The following EPM2A variants were observed in gnomAD, a reference collection of about 807,000 sequenced individuals.
The protein encoded by EPM2A is EPM2A glucan phosphatase, laforin, also known as laforin.
Under a neutral mutation model 26.5 loss-of-function variants are expected in EPM2A, and 21 were observed. The ratio of observed to expected loss-of-function variants is 0.79; its 90% CI spans 0.56 to 1.14. The LOEUF (loss-of-function observed/expected upper bound fraction) is 1.14. Among genes scored for constraint, EPM2A ranks in the 50% most tolerant of loss-of-function variants. The pLI, the probability that EPM2A is intolerant of heterozygous loss-of-function variation, is 0.00. For missense variants in EPM2A, 458 were observed against 440.8 expected (o/e 1.04, Z -0.35); for synonymous variants, 217 against 177.6 (o/e 1.22, Z -1.76).
At chr6:145,571,857 T>C (rs557626452) in intron 2 of EPM2A, among the ~76,000 whole-genome samples, 1 of 152,236 alleles carries the variant, frequency 6.6e-6, no homozygotes, top group Non-Finnish European at 1.5e-5. Flanking sequence ...TGGGTCATCC[T>C]ATCCACTTGA....
chr6:145,668,056 C>G lies in EPM2A; in HGVS notation c.476+18066G>C, dbSNP rs373698849. 2.6e-3 allele frequency among the ~76,000 whole-genome samples: 389 copies of G among 147,546 alleles called. 5 individuals carry two copies. The highest frequency in any genetic ancestry group is 9.2e-3 in the African/African-American group (370 of 40,084). On this transcript the variant is annotated intron_variant, in intron 2 of 3. Coordinates refer to ENST00000367519, the MANE Select transcript of EPM2A (RefSeq NM_005670.4). ...GGAGGGATAGCATTGGGAGATATAC[C>G]TAAGGCTAGATGACGAGTTAGTGGG...
intron 2 of EPM2A, among the ~76,000 whole-genome samples, chr6:145,594,224 T>A (rs1456060148): frequency 6.6e-6 from 1 of 151,852 alleles, no homozygotes; most frequent in African/African-American, 2.4e-5. Context: ...GAGAAATGGA[T>A]ATTCTGAATA....
chr6:145,496,824 G>A (rs973311565), downstream of EPM2A, among the ~76,000 whole-genome samples: 10 of 146,266 alleles, frequency 6.8e-5, no homozygotes, highest in African/African-American at 1.8e-4. Flanking sequence ...TGCAAGCTCC[G>A]CTTCCTGGGT....
chr6:145,493,819 A>T (rs1357353225), intron 4 of EPM2A, among the ~76,000 whole-genome samples: 1 of 152,230 alleles, frequency 6.6e-6, no homozygotes, highest in Non-Finnish European at 1.5e-5. Flanking sequence ...CCAACCTTGC[A>T]TCCCAAGGAT....
intron 1 of EPM2A, among the ~76,000 whole-genome samples, chr6:145,732,247 G>C (rs1286408038): frequency 1.3e-5 from 2 of 149,778 alleles, no homozygotes; most frequent in Non-Finnish European, 3.0e-5. Flanking sequence ...GCGCGCCAAA[G>C]TAAGGAAGGG....
intron 2 of EPM2A, among the ~76,000 whole-genome samples, chr6:145,583,644 C>T (rs755399688): frequency 2.0e-5 from 3 of 152,206 alleles, no homozygotes; most frequent in Non-Finnish European, 4.4e-5. Context: ...CATGCTTGCT[C>T]ACATGTGACA....
chr6:145,436,769 A>G (rs983674159), intron 4 of EPM2A, among the ~76,000 whole-genome samples: 2 of 152,088 alleles, frequency 1.3e-5, no homozygotes, highest in African/African-American at 4.8e-5. Flanking sequence ...TTTCAAGTTC[A>G]CTGATGCTTT....
At chr6:145,624,217 C>T (rs574444632), downstream of EPM2A, among the ~76,000 whole-genome samples, 30 of 152,238 alleles carry the variant, frequency 2.0e-4, no homozygotes, top group African/African-American at 6.7e-4. Flanking sequence ...GCGATCTAGT[C>T]CCACAGACAA....
At chr6:145,530,198 C>T (rs557529911) in intron 2 of EPM2A, among the ~76,000 whole-genome samples, 1 of 152,252 alleles carries the variant, frequency 6.6e-6, no homozygotes, top group Admixed American at 6.5e-5. Flanking sequence ...ATGCCTTTCC[C>T]CTAATTAGGA....
intron 2 of EPM2A, among the ~76,000 whole-genome samples, chr6:145,557,174 GAGAGTAA>G (rs1328388686): frequency 6.6e-6 from 1 of 152,014 alleles, no homozygotes; most frequent in Admixed American, 6.6e-5. Context: ...TATATATTTT[GAGAGTAA>G]CTTCTCAATT....
intron 2 of EPM2A, among the ~76,000 whole-genome samples, chr6:145,659,949 T>C (rs1225983012): frequency 6.6e-6 from 1 of 152,186 alleles, no homozygotes; most frequent in African/African-American, 2.4e-5. Context: ...CATCCAACCA[T>C]GTAGCAGAGT....
At chr6:145,542,149 G>A (rs1780521239) in intron 2 of EPM2A, among the ~76,000 whole-genome samples, 1 of 152,208 alleles carries the variant, frequency 6.6e-6, no homozygotes. Context: ...AGGCACTAAA[G>A]CTTCTGAATA....
intron 2 of EPM2A, among the ~76,000 whole-genome samples, chr6:145,608,344 T>A (rs566660658): frequency 6.6e-6 from 1 of 152,178 alleles, no homozygotes; most frequent in African/African-American, 2.4e-5. Flanking sequence ...CAAGCATGCA[T>A]GCACAGACAT....
At chr6:145,541,423 T>A (rs1780510452) in intron 2 of EPM2A, among the ~76,000 whole-genome samples, 1 of 151,796 alleles carries the variant, frequency 6.6e-6, no homozygotes, top group Non-Finnish European at 1.5e-5. Flanking sequence ...ATGAAAATAC[T>A]TTGGGTTATT....
intron 2 of EPM2A, among the ~76,000 whole-genome samples, chr6:145,507,755 C>T (rs185597157): frequency 6.6e-6 from 1 of 152,222 alleles, no homozygotes; most frequent in African/African-American, 2.4e-5. Context: ...GGAGAGTGTC[C>T]CAGCAGTAGA....
intron 2 of EPM2A, among the ~76,000 whole-genome samples, chr6:145,546,960 T>G (rs1053985869): frequency 6.6e-6 from 1 of 152,094 alleles, no homozygotes; most frequent in African/African-American, 2.4e-5. Flanking sequence ...GTTGAGCCTT[T>G]CTTACTCTAT....
intron 2 of EPM2A, among the ~76,000 whole-genome samples, chr6:145,542,979 G>A (rs1221237240): frequency 3.3e-5 from 5 of 152,034 alleles, no homozygotes; most frequent in East Asian, 1.9e-4. Flanking sequence ...GGTGGGTCTC[G>A]AAATCTTGAC....
intron 4 of EPM2A, among the ~76,000 whole-genome samples, chr6:145,479,403 A>G (rs1779586117): frequency 6.6e-6 from 1 of 150,992 alleles, no homozygotes; most frequent in Non-Finnish European, 1.5e-5. Flanking sequence ...AAACTTTTTT[A>G]TCACCCCAAA....
At chr6:145,613,453 T>C (rs1159819126) in intron 2 of EPM2A, among the ~76,000 whole-genome samples, 1 of 152,218 alleles carries the variant, frequency 6.6e-6, no homozygotes, top group Non-Finnish European at 1.5e-5. Flanking sequence ...ATGTTCTTAA[T>C]GGCATCTAGG....
Sources: gnomAD v4.1 joint callset for allele counts (sites outside exome capture counted in the v4.1 genomes callset) on GRCh38, gnomAD v4.1.1 for gene constraint, MANE v1.5 for transcripts, NCBI Gene and HGNC (gene_info 2026-07-23, HGNC 2026-07-21) for gene names.